UGT1A7: variants seen among roughly 807,000 people sequenced by gnomAD.
The protein encoded by UGT1A7 is UDP-glucuronosyltransferase 1A7.
A neutral mutation model predicts 45.6 loss-of-function variants in UGT1A7; 33 were observed. The observed-to-expected ratio is 0.72, with a 90% confidence interval of 0.55 to 0.97. UGT1A7 has a LOEUF of 0.97. Among genes scored for constraint, UGT1A7 ranks in the 50% least tolerant of loss-of-function variants. The probability of loss-of-function intolerance (pLI) is 0.00; values close to 1 mark genes in which losing one functional copy is unlikely to be tolerated. For synonymous variants in UGT1A7, 274 were observed against 250.6 expected (o/e 1.09, Z -0.88); for missense variants, 684 against 666.2 (o/e 1.03, Z -0.29).
chr2:233,697,389 G>T (rs1033670982), intron 1 of UGT1A7, among the ~76,000 whole-genome samples: 1 of 151,952 alleles, frequency 6.6e-6, no homozygotes, highest in African/African-American at 2.4e-5. Flanking sequence ...AATCGCTAAT[G>T]ATCCTTTGTA....
intron 1 of UGT1A7, among the ~76,000 whole-genome samples, chr2:233,711,791 G>C (rs1289968745): frequency 1.3e-5 from 2 of 152,218 alleles, no homozygotes; most frequent in African/African-American, 4.8e-5. Context: ...GCACAGCCCA[G>C]AGAGCCTGCC....
intron 1 of UGT1A7, chr2:233,761,173 T>G (rs771182197): frequency 9.9e-6 from 16 of 1,614,128 alleles, no homozygotes; most frequent in Middle Eastern, 3.3e-4. Context: ...AGTGGGACTT[T>G]TACATGCGTA....
chr2:233,726,468 A>G (rs2077534050), intron 1 of UGT1A7, among the ~76,000 whole-genome samples: 1 of 152,184 alleles, frequency 6.6e-6, no homozygotes, highest in Non-Finnish European at 1.5e-5. Flanking sequence ...TCATTTCTTT[A>G]ACAGAAATTT....
chr2:233,720,767 C>T (rs550051357), intron 1 of UGT1A7, among the ~76,000 whole-genome samples: 21 of 150,960 alleles, frequency 1.4e-4, no homozygotes, highest in African/African-American at 4.9e-4. Flanking sequence ...GGGCAGTGGC[C>T]GGATCTCCGC....
intron 1 of UGT1A7, chr2:233,713,148 G>T: frequency 6.2e-7 from 1 of 1,614,254 alleles, no homozygotes; most frequent in Non-Finnish European, 8.5e-7. Context: ...GGACCTCCAT[G>T]CGAGAGGCCA....
chr2:233,734,126 AG>A (rs1325771247), intron 1 of UGT1A7, among the ~76,000 whole-genome samples: 3 of 151,608 alleles, frequency 2.0e-5, no homozygotes, highest in Non-Finnish European at 4.4e-5. Context: ...AATAATAAAA[AG>A]AATTTGGCTG....
At chr2:233,728,213 C>A (rs2077690894) in intron 1 of UGT1A7, among the ~76,000 whole-genome samples, 1 of 152,180 alleles carries the variant, frequency 6.6e-6, no homozygotes, top group Non-Finnish European at 1.5e-5. Flanking sequence ...TGGAGAAGAG[C>A]CTGACCATAA....
At chr2:233,737,147 T>C (rs909565111) in intron 1 of UGT1A7, among the ~76,000 whole-genome samples, 2 of 152,240 alleles carry the variant, frequency 1.3e-5, no homozygotes, top group African/African-American at 4.8e-5. Flanking sequence ...TGTTCAGATA[T>C]GCCCTGCCCA....
rs1559354057 is a variant in UGT1A7 at position 233,705,289 on chromosome 2, C to T, written c.855+22497C>T. Among the ~76,000 whole-genome samples, 7 of 152,252 alleles carry T rather than the reference C, an allele frequency of 4.6e-5. 1 individual carries two copies. In the Middle Eastern group the frequency reaches 0.017, roughly 370 times the overall value. ...ACTTGCTTTCAACCTGAAGAACTTC[C>T]TTTAGTATTTCTTGTAAGTTGAGTT... On this transcript the variant is annotated intron_variant, in intron 1 of 4. Transcript: ENST00000373426.
chr2:233,693,665 C>G, intron 1 of UGT1A7: 1 of 1,614,238 alleles, frequency 6.2e-7, no homozygotes, highest in Non-Finnish European at 8.5e-7. Context: ...GGAGCCCTAT[C>G]TATTTTATTG....
intron 1 of UGT1A7, among the ~76,000 whole-genome samples, chr2:233,702,160 A>T (rs577111484): frequency 1.3e-5 from 2 of 152,316 alleles, no homozygotes; most frequent in African/African-American, 2.4e-5. Flanking sequence ...ATCTATTATC[A>T]GTCACTCTTC....
In UGT1A7 at chr2:233,772,258, T is replaced by A; in HGVS notation, c.1296-4T>A. On this transcript the variant is annotated splice_polypyrimidine_tract_variant and splice_region_variant and intron_variant, in intron 4 of 4. Coordinates refer to ENST00000373426, the MANE Select transcript of UGT1A7 (RefSeq NM_019077.3). The stretch of plus-strand genomic sequence containing the variant: ...AGGCATAACGAAACTGTCTTTGTGT[T>A]TAGTTACAAGGAGAACATCATGCGC... The A allele has an allele frequency of 6.2e-7, 1 of 1,614,236 alleles. No individual in the cohort carries two copies. The highest frequency in any genetic ancestry group is 8.5e-7 in the Non-Finnish European group (1 of 1,180,048).
At chr2:233,700,807 GGT>G (rs2075588613) in intron 1 of UGT1A7, among the ~76,000 whole-genome samples, 1 of 151,690 alleles carries the variant, frequency 6.6e-6, no homozygotes, top group African/African-American at 2.4e-5. Context: ...GTGCCATGTT[GGT>G]GTGCTGCACC....
At chr2:233,722,169 C>T (rs923427551) in intron 1 of UGT1A7, 1 of 158,144 alleles carries the variant, frequency 6.3e-6, no homozygotes, top group Admixed American at 6.4e-5. Flanking sequence ...CACCTGGAGA[C>T]CTTTGCCATG....
At chr2:233,737,085 G>C (rs1351233887) in intron 1 of UGT1A7, among the ~76,000 whole-genome samples, 2 of 152,202 alleles carry the variant, frequency 1.3e-5, no homozygotes, top group Non-Finnish European at 2.9e-5. Flanking sequence ...TGTCAGACAG[G>C]GATGTTTAAG....
intron 1 of UGT1A7, chr2:233,747,090 C>T (rs999571843): frequency 1.8e-5 from 23 of 1,247,242 alleles, no homozygotes; most frequent in Non-Finnish European, 6.6e-6. Flanking sequence ...GAGGAGAGCA[C>T]TCTATCTTCC....
intron 1 of UGT1A7, chr2:233,718,078 G>T (rs1030624873): frequency 1.2e-5 from 4 of 342,356 alleles, no homozygotes; most frequent in African/African-American, 4.3e-5. Flanking sequence ...TGCTAGGGTT[G>T]TCTTGCCCAT....
At chr2:233,704,839 G>C (rs561823899) in intron 1 of UGT1A7, among the ~76,000 whole-genome samples, 8 of 151,956 alleles carry the variant, frequency 5.3e-5, no homozygotes, top group Admixed American at 5.3e-4. Flanking sequence ...TTTAAAATCA[G>C]TTAAGAGAAT....
Position 233,773,232 on chromosome 2 carries a change from G to A in UGT1A7, c.*673G>A, listed in dbSNP as rs915315951. On this transcript the variant is annotated 3_prime_UTR_variant, in exon 5 of 5. Transcript: ENST00000373426. Reference sequence around the variant, plus strand: ...ACCCAAAATACAGCTATGAAGTGCTGGGCAAGTTTACTTTTTTTCTGATGT... The same window carrying A: ...ACCCAAAATACAGCTATGAAGTGCTAGGCAAGTTTACTTTTTTTCTGATGT... The A allele has an allele frequency of 1.3e-5, 2 of 152,202 alleles. No individual in the cohort carries two copies. Among genetic ancestry groups the A allele is most frequent in the East Asian group, 3.7e-4 (2 of 5,344 alleles). The allele number at this position is 152,202 out of a possible 1,614,324, so 9.4% of individuals were successfully genotyped here. A position where few individuals can be genotyped will look rare whatever the true frequency, so the allele number is the denominator to read the frequency against.
Sources: gnomAD v4.1 joint callset for allele counts (sites outside exome capture counted in the v4.1 genomes callset) on GRCh38, gnomAD v4.1.1 for gene constraint, MANE v1.5 for transcripts, NCBI Gene and HGNC (gene_info 2026-07-23, HGNC 2026-07-21) for gene names.